COL25A1: variants seen among roughly 807,000 people sequenced by gnomAD.
COL25A1 encodes collagen alpha-1(XXV) chain.
Under a neutral mutation model 128.4 loss-of-function variants are expected in COL25A1, and 103 were observed. The observed-to-expected ratio is 0.80, with a 90% CI of 0.68 to 0.94. The LOEUF is 0.94. COL25A1 is among the 40% of genes least tolerant of loss of function. The probability of loss-of-function intolerance (pLI) is 0.00; values close to 1 mark genes in which losing one functional copy is unlikely to be tolerated. For synonymous variants in COL25A1, 279 were observed against 277.2 expected (o/e 1.01, Z -0.06); for missense variants, 745 against 840.0 (o/e 0.89, Z 1.40).
chr4:108,908,483 G>A (rs2125878406), intron 13 of COL25A1, among the ~76,000 whole-genome samples: 1 of 152,256 alleles, frequency 6.6e-6, no homozygotes, highest in East Asian at 1.9e-4. Context: ...GGAAGCAGAG[G>A]AAGCTGTGTA....
intron 31 of COL25A1, among the ~76,000 whole-genome samples, chr4:108,836,991 A>G (rs892468089): frequency 6.6e-6 from 1 of 152,142 alleles, no homozygotes; most frequent in Admixed American, 6.5e-5. Context: ...AGGCACGAGA[A>G]TTGCTTGAAC....
chr4:109,215,926 C>T (rs530370852), intron 3 of COL25A1, among the ~76,000 whole-genome samples: 5 of 152,048 alleles, frequency 3.3e-5, no homozygotes, highest in Admixed American at 6.6e-5. Context: ...CTTTTTAATA[C>T]GTTACATGTG....
chr4:109,220,443 G>T (rs1207698308), intron 3 of COL25A1, among the ~76,000 whole-genome samples: 1 of 152,050 alleles, frequency 6.6e-6, no homozygotes, highest in Non-Finnish European at 1.5e-5. Flanking sequence ...CTATCCAAAA[G>T]GTTTTACACC....
At chr4:109,151,992 T>C (rs1200831846) in intron 3 of COL25A1, among the ~76,000 whole-genome samples, 1 of 152,150 alleles carries the variant, frequency 6.6e-6, no homozygotes, top group Non-Finnish European at 1.5e-5. Context: ...GTCCAATATT[T>C]CCTAATGATG....
Position 109,228,456 on chromosome 4 carries a change from A to G in COL25A1, c.367+72127T>C, listed in dbSNP as rs576198000. On this transcript the variant is annotated intron_variant, in intron 3 of 37. Coordinates refer to ENST00000399132, the MANE Select transcript of COL25A1 (RefSeq NM_198721.4). ...CTATCCTTCACACAGCCAGATATAC[A>G]CTAATCCCTTTCCCCAGAATTTGGC... is the stretch of plus-strand genomic sequence containing the variant. Among the ~76,000 whole-genome samples, 161 of 152,304 alleles carry G rather than the reference A, an allele frequency of 1.1e-3. 2 individuals are homozygous for G. The highest frequency in any genetic ancestry group is 3.8e-3 in the African/African-American group (156 of 41,568).
At chr4:109,212,987 T>C (rs1777694723) in intron 3 of COL25A1, among the ~76,000 whole-genome samples, 2 of 152,158 alleles carry the variant, frequency 1.3e-5, no homozygotes, top group African/African-American at 2.4e-5. Context: ...ATAATAGAGA[T>C]GTATAACCTA....
At chr4:108,882,122 C>T (rs1740198926) in intron 19 of COL25A1, among the ~76,000 whole-genome samples, 2 of 152,168 alleles carry the variant, frequency 1.3e-5, no homozygotes, top group Non-Finnish European at 2.9e-5. Context: ...CGTTTAACAT[C>T]CCTCCCAACT....
intron 14 of COL25A1, 45 bp downstream of exon 14, chr4:108,901,074 C>T: frequency 7.0e-7 from 1 of 1,437,778 alleles, no homozygotes; most frequent in Non-Finnish European, 9.8e-7. Flanking sequence ...AATTTCCTGA[C>T]AATTCGTGTG....
intron 3 of COL25A1, among the ~76,000 whole-genome samples, chr4:109,198,373 G>A (rs1223610422): frequency 6.6e-6 from 1 of 150,894 alleles, no homozygotes; most frequent in African/African-American, 2.4e-5. Flanking sequence ...AGAGAAAACC[G>A]ATGTTCAGAA....
intron 3 of COL25A1, among the ~76,000 whole-genome samples, chr4:109,223,586 C>T (rs1054700929): frequency 2.0e-5 from 3 of 151,948 alleles, no homozygotes; most frequent in Admixed American, 2.0e-4. Flanking sequence ...CCCCCACCCC[C>T]ACCTTGACCC....
At chr4:109,103,767 A>C (rs1766137748) in intron 3 of COL25A1, among the ~76,000 whole-genome samples, 1 of 152,216 alleles carries the variant, frequency 6.6e-6, no homozygotes, top group African/African-American at 2.4e-5. Context: ...AAGGGCTCAG[A>C]GCCAAGTTGG....
chr4:108,965,859 A>G (rs1751238142), intron 8 of COL25A1, among the ~76,000 whole-genome samples: 1 of 152,228 alleles, frequency 6.6e-6, no homozygotes, highest in Non-Finnish European at 1.5e-5. Flanking sequence ...AAAGTGGAAC[A>G]ACAACATAGC....
At chr4:108,852,385 G>A (rs1310753263) in intron 25 of COL25A1, 105 bp from the exon 26 acceptor site, 2 of 823,208 alleles carry the variant, frequency 2.4e-6, no homozygotes, top group Admixed American at 3.2e-5. Context: ...ATCGTAATCA[G>A]ATCTCCCCAA....
At chr4:108,837,341 G>C (rs1162506778) in intron 31 of COL25A1, among the ~76,000 whole-genome samples, 1 of 151,682 alleles carries the variant, frequency 6.6e-6, no homozygotes, top group East Asian at 1.9e-4. Flanking sequence ...GTTCTTTGTT[G>C]ATTTGTATCT....
intron 23 of COL25A1, among the ~76,000 whole-genome samples, chr4:108,860,609 A>T (rs1318802500): frequency 6.6e-6 from 1 of 152,002 alleles, no homozygotes; most frequent in Non-Finnish European, 1.5e-5. Flanking sequence ...CATATGGGTT[A>T]TTGCTTTCTT....
At chr4:109,083,755 G>A (rs889471315) in intron 3 of COL25A1, among the ~76,000 whole-genome samples, 33 of 152,110 alleles carry the variant, frequency 2.2e-4, no homozygotes, top group Non-Finnish European at 4.4e-4. Flanking sequence ...GTGAGCCACC[G>A]CGTCCGGCCT....
At chr4:109,218,591 C>G (rs1271011743) in intron 3 of COL25A1, among the ~76,000 whole-genome samples, 1 of 151,718 alleles carries the variant, frequency 6.6e-6, no homozygotes, top group African/African-American at 2.4e-5. Context: ...AACCACGAGT[C>G]TCCTAACTTT....
intron 3 of COL25A1, among the ~76,000 whole-genome samples, chr4:109,249,011 G>T (rs1780471296): frequency 6.6e-6 from 1 of 152,180 alleles, no homozygotes; most frequent in Admixed American, 6.5e-5. Flanking sequence ...CTAGGTGCCA[G>T]ACATTGTAAT....
intron 11 of COL25A1, among the ~76,000 whole-genome samples, chr4:108,922,402 G>C (rs553902001): frequency 1.3e-5 from 2 of 151,924 alleles, no homozygotes; most frequent in Admixed American, 6.6e-5. Flanking sequence ...TATTTAGACC[G>C]AGAATGTGTA....
Sources: allele counts gnomAD v4.1 joint callset (sites outside exome capture counted in the v4.1 genomes callset), GRCh38; gene constraint gnomAD v4.1.1; transcripts MANE v1.5; gene names NCBI Gene and HGNC (gene_info 2026-07-23, HGNC 2026-07-21).